Variants in OMA1 observed in about 807,000 individuals in gnomAD.
OMA1 encodes the protein metalloendopeptidase OMA1, mitochondrial.
In OMA1, 38 loss-of-function variants were observed where a neutral mutation model predicts 30.9. That is an observed-to-expected ratio of 1.23 (90% CI 0.95 to 1.61). The LOEUF (loss-of-function observed/expected upper bound fraction) is 1.61. Among genes scored for constraint, OMA1 ranks in the 40% most tolerant of loss-of-function variants. The probability of loss-of-function intolerance (pLI) is 0.00; values close to 1 mark genes in which losing one functional copy is unlikely to be tolerated. For synonymous variants in OMA1, 173 were observed against 121.9 expected (o/e 1.42, Z -2.76); for missense variants, 461 against 349.2 (o/e 1.32, Z -2.55).
At chr1:58,489,536 A>G (rs1378590268) in intron 8 of OMA1, among the ~76,000 whole-genome samples, 1 of 152,234 alleles carries the variant, frequency 6.6e-6, no homozygotes, top group African/African-American at 2.4e-5. Context: ...GCCAAACAAA[A>G]GGCAGCAGAA....
chr1:58,495,109 G>A (rs555620179), intron 8 of OMA1, among the ~76,000 whole-genome samples: 36 of 152,276 alleles, frequency 2.4e-4, no homozygotes, highest in Admixed American at 2.2e-3. Flanking sequence ...ATGAGTTCAT[G>A]TCCTTTGTAG....
At chr1:58,524,305 T>A (rs1557452979) in intron 7 of OMA1, among the ~76,000 whole-genome samples, 1 of 152,234 alleles carries the variant, frequency 6.6e-6, no homozygotes, top group East Asian at 1.9e-4. Context: ...ATCTGCTGCC[T>A]CTTGGTCAGC....
intron 7 of OMA1, among the ~76,000 whole-genome samples, chr1:58,513,107 C>A (rs139319567): frequency 7.9e-5 from 12 of 152,192 alleles, no homozygotes; most frequent in Admixed American, 2.0e-4. Context: ...CCCCATGTGT[C>A]GAGGGAGGGA....
intron 7 of OMA1, 23 bp from the exon 8 acceptor site, chr1:58,506,232 C>A (rs1487841446): frequency 1.2e-6 from 1 of 855,350 alleles, no homozygotes; most frequent in Admixed American, 1.7e-5. Flanking sequence ...TTAGTAAAAC[C>A]ACACAATGAG....
At chr1:58,487,183 G>A (rs756965256) in intron 8 of OMA1, among the ~76,000 whole-genome samples, 1 of 152,208 alleles carries the variant, frequency 6.6e-6, no homozygotes, top group Non-Finnish European at 1.5e-5. Context: ...GAGCAGTGGC[G>A]AAGTTGAGAA....
At position 58,486,601 on chromosome 1, in the gene OMA1, T is replaced by C. The variant is rs143718322; in HGVS notation, c.1366-5427A>G. Among the ~76,000 whole-genome samples the C allele has an allele frequency of 3.7e-3, 571 of 152,308 alleles. 2 individuals are homozygous for C. The highest frequency in any genetic ancestry group is 9.7e-3 in the African/African-American group (402 of 41,568). On this transcript the variant is annotated intron_variant, in intron 8 of 8. Coordinates refer to ENST00000371226, the MANE Select transcript of OMA1 (RefSeq NM_145243.5). ...CATAGGTACTATGGATACAGCAGTG[T>C]ACAAAGGCCTTACACACTAGGGTAA...
chr1:58,531,377 A>G (rs1227597706), intron 5 of OMA1, among the ~76,000 whole-genome samples: 4 of 152,200 alleles, frequency 2.6e-5, no homozygotes, highest in African/African-American at 9.6e-5. Context: ...TGAAAGAATC[A>G]GGTTCTATGA....
At position 58,503,244 on chromosome 1, in the gene OMA1, A is replaced by C. The variant is rs7552696; in HGVS notation, c.1365+2816T>G. Among the ~76,000 whole-genome samples the C allele has an allele frequency of 4.3e-3, 649 of 152,304 alleles. 6 individuals carry two copies. The highest frequency in any genetic ancestry group is 0.015 in the African/African-American group (620 of 41,558). On this transcript the variant is annotated intron_variant, in intron 8 of 8. Transcript: ENST00000371226. ...ATATTGTTATCATTGCTTTAGAGAC[A>C]GGCCCAGGCCTCCCAGGGTGCGATA...
chr1:58,536,363 G>A (rs988499543), intron 3 of OMA1, 150 bp downstream of exon 3: 7 of 596,188 alleles, frequency 1.2e-5, no homozygotes, highest in African/African-American at 5.6e-5. Context: ...AATACTAAGT[G>A]TGAAAGGTCT....
At chr1:58,527,456 C>T in intron 6 of OMA1, 121 bp from the exon 7 acceptor site, 1 of 610,028 alleles carries the variant, frequency 1.6e-6, no homozygotes. Context: ...CCTATACTGT[C>T]TACTAACATT....
intron 8 of OMA1, among the ~76,000 whole-genome samples, chr1:58,483,767 G>A (rs1273345094): frequency 6.6e-6 from 1 of 152,228 alleles, no homozygotes; most frequent in Non-Finnish European, 1.5e-5. Context: ...TTTGCACTGA[G>A]ACATCAGGCA....
intron 7 of OMA1, among the ~76,000 whole-genome samples, chr1:58,509,547 A>G (rs2100423711): frequency 6.6e-6 from 1 of 151,310 alleles, no homozygotes; most frequent in East Asian, 1.9e-4. Flanking sequence ...AAAAAAAAAA[A>G]GAAGAAAGCA....
intron 7 of OMA1, among the ~76,000 whole-genome samples, chr1:58,522,377 T>G (rs1179956518): frequency 6.6e-6 from 1 of 152,122 alleles, no homozygotes; most frequent in African/African-American, 2.4e-5. Context: ...TATACATAAT[T>G]TTTTTAAATC....
At chr1:58,491,010 T>C (rs1055756946) in intron 8 of OMA1, among the ~76,000 whole-genome samples, 19 of 151,720 alleles carry the variant, frequency 1.3e-4, no homozygotes, top group Admixed American at 3.3e-4. Flanking sequence ...GGTTTCACCA[T>C]GTTAGCCAGG....
At chr1:58,544,089 T>C (rs1478606918) in intron 1 of OMA1, among the ~76,000 whole-genome samples, 2 of 152,228 alleles carry the variant, frequency 1.3e-5, no homozygotes, top group Admixed American at 6.5e-5. Context: ...CAAACAGTTA[T>C]GATGGAATTT....
At chr1:58,514,053 C>T (rs1160977451) in intron 7 of OMA1, among the ~76,000 whole-genome samples, 2 of 152,122 alleles carry the variant, frequency 1.3e-5, no homozygotes, top group African/African-American at 4.8e-5. Flanking sequence ...GCAGCCATTC[C>T]AGGACTCAGA....
At chr1:58,498,899 A>C (rs1010260813) in intron 8 of OMA1, among the ~76,000 whole-genome samples, 3 of 152,224 alleles carry the variant, frequency 2.0e-5, no homozygotes, top group African/African-American at 7.2e-5. Flanking sequence ...AATAAGTATA[A>C]ATAACTGACG....
chr1:58,483,889 T>C (rs1016721423), intron 8 of OMA1, among the ~76,000 whole-genome samples: 5 of 152,184 alleles, frequency 3.3e-5, no homozygotes, highest in African/African-American at 1.2e-4. Context: ...TCATGGCTGC[T>C]ATATCAGTGT....
chr1:58,481,814 C>T (rs1489448959), intron 8 of OMA1, among the ~76,000 whole-genome samples: 7 of 152,154 alleles, frequency 4.6e-5, no homozygotes, highest in Non-Finnish European at 8.8e-5. Flanking sequence ...CCTGCATATG[C>T]TCTCTTGACT....
Sources: allele counts gnomAD v4.1 joint callset (sites outside exome capture counted in the v4.1 genomes callset), GRCh38; gene constraint gnomAD v4.1.1; transcripts MANE v1.5; gene names NCBI Gene and HGNC (gene_info 2026-07-23, HGNC 2026-07-21).